OXSR1: variants seen among roughly 807,000 people sequenced by gnomAD.
OXSR1 encodes serine/threonine-protein kinase OSR1.
In OXSR1, 24 loss-of-function variants were observed where a neutral mutation model predicts 79.8. That is an observed-to-expected ratio of 0.30 (90% CI 0.22 to 0.42). The LOEUF (loss-of-function observed/expected upper bound fraction) is 0.42, where lower values mean the gene tolerates loss of function less well. Ranked by LOEUF, OXSR1 falls within the 10% of genes least tolerant of loss-of-function variation. OXSR1 has a pLI of 1.00. For missense variants in OXSR1, 430 were observed against 618.4 expected, an observed-to-expected ratio of 0.70 and a Z score of 3.23; for synonymous variants, 226 against 209.2, an observed-to-expected ratio of 1.08 and a Z score of -0.69.
intron 12 of OXSR1, among the ~76,000 whole-genome samples, chr3:38,244,637 C>CTGCGTGTGTG (rs1553639086): frequency 5.7e-4 from 57 of 99,400 alleles, no homozygotes; most frequent in African/African-American, 1.8e-3. Context: ...TAATATTCCT[C>CTGCGTGTGTG]TGTGTGTGTG....
intron 3 of OXSR1, among the ~76,000 whole-genome samples, chr3:38,192,518 T>C (rs2125815437): frequency 6.6e-6 from 1 of 152,330 alleles, no homozygotes; most frequent in Admixed American, 6.5e-5. Flanking sequence ...AAGTTTAATA[T>C]CATGGACTTT....
intron 3 of OXSR1, among the ~76,000 whole-genome samples, chr3:38,197,747 G>A (rs1260959903): frequency 6.6e-6 from 1 of 152,112 alleles, no homozygotes; most frequent in Non-Finnish European, 1.5e-5. Flanking sequence ...TATGTATTTG[G>A]AAGTATATTT....
At chr3:38,245,735 A>T (rs564986610) in intron 12 of OXSR1, among the ~76,000 whole-genome samples, 1 of 152,344 alleles carries the variant, frequency 6.6e-6, no homozygotes, top group East Asian at 1.9e-4. Context: ...GGAACTAACT[A>T]TAGGCATGAG....
upstream of OXSR1, among the ~76,000 whole-genome samples, chr3:38,164,564 G>A (rs915615909): frequency 6.6e-6 from 1 of 152,132 alleles, no homozygotes; most frequent in Non-Finnish European, 1.5e-5. Flanking sequence ...TTTACCAAGC[G>A]TGTTCAGTCT....
chr3:38,230,163 A>G (rs575451172), intron 9 of OXSR1, among the ~76,000 whole-genome samples: 1 of 152,300 alleles, frequency 6.6e-6, no homozygotes, highest in Admixed American at 6.5e-5. Flanking sequence ...ACAGTGTACT[A>G]CATCTTAATT....
At chr3:38,173,712 T>C (rs1337814963) in intron 1 of OXSR1, among the ~76,000 whole-genome samples, 3 of 152,208 alleles carry the variant, frequency 2.0e-5, no homozygotes, top group Non-Finnish European at 4.4e-5. Context: ...CTTGAAAATA[T>C]ACCCCACTAT....
At chr3:38,240,890 T>A (rs1703018427) in intron 11 of OXSR1, among the ~76,000 whole-genome samples, 1 of 152,186 alleles carries the variant, frequency 6.6e-6, no homozygotes. Context: ...AAGGAATGGT[T>A]CTTCATTGCG....
chr3:38,253,886 C>T lies in OXSR1; in HGVS notation c.*995C>T, dbSNP rs373502892. 5 of 275,812 alleles carry T rather than the reference C, an allele frequency of 1.8e-5. No individual in the cohort carries two copies. Among genetic ancestry groups the T allele is most frequent in the African/African-American group, 8.7e-5 (4 of 45,988 alleles). 17.1% of individuals were successfully genotyped at this position (275,812 alleles called of 1,614,324 possible). A position where few individuals can be genotyped will look rare whatever the true frequency, so the allele number is the denominator to read the frequency against. On this transcript the variant is annotated 3_prime_UTR_variant, in exon 18 of 18. Transcript: ENST00000311806. The stretch of plus-strand genomic sequence containing the variant: ...CCTTCTGCCTGCTCTCCTGCACTGA[C>T]CCTTTGGAGGGGGTCTCTGTGTGCT...
Position 38,246,124 on chromosome 3 carries a change from A to C in OXSR1, c.1160A>C (p.Gln387Pro). Residue 387 changes from glutamine to proline, a missense_variant, in exon 13 of 18, where the codon CAG becomes CCG. Around this residue, in one of 3 missense-constraint regions of OXSR1, gnomAD observed 276 missense variants for 354.2 expected, o/e 0.78. Coordinates refer to ENST00000311806, the MANE Select transcript of OXSR1 (RefSeq NM_005109.3). ...GGTACTTTGCTCCAAGTTCCAGAACAGATCTCTGCTCATCTACCTCAGCCA... is the reference window on the plus strand; with the variant it reads ...GGTACTTTGCTCCAAGTTCCAGAACCGATCTCTGCTCATCTACCTCAGCCA... ...PVGTLLQVPE[Q>P]ISAHLPQPAG... 6.2e-7 allele frequency: 1 copy of C among 1,613,898 alleles called. No individual in the cohort carries two copies. Among genetic ancestry groups the C allele is most frequent in the Non-Finnish European group, 8.5e-7 (1 of 1,179,824 alleles).
In OXSR1 at chr3:38,190,837, G is replaced by A. The variant is rs780962712; in HGVS notation, c.290G>A (p.Gly97Glu). The change falls in exon 3 of 18, where the codon GGA becomes GAA. Residue 97 changes from glycine (G) to glutamate (E), a missense_variant and splice_region_variant. Coordinates refer to ENST00000311806, the MANE Select transcript of OXSR1 (RefSeq NM_005109.3). The stretch of plus-strand genomic sequence containing the variant: ...TGGCTTGTCATGAAGCTGCTAAGTG[G>A]AGGTGAGTAGAGTACAAGGAAATGC... ...ELWLVMKLLS[G>E]GSVLDIIKHI... is the part of the protein sequence containing the mutation. 77 of 1,499,740 alleles carry A rather than the reference G, an allele frequency of 5.1e-5. No individual in the cohort carries two copies. The highest frequency in any genetic ancestry group is 3.4e-4 in the Middle Eastern group (2 of 5,894). 92.9% of individuals were successfully genotyped at this position (1,499,740 alleles called of 1,614,324 possible).
At chr3:38,223,525 C>T (rs936237017) in intron 6 of OXSR1, among the ~76,000 whole-genome samples, 1 of 151,890 alleles carries the variant, frequency 6.6e-6, no homozygotes, top group Admixed American at 6.6e-5. Flanking sequence ...TCACCGCAAC[C>T]TCTACCTCCT....
chr3:38,189,557 C>G (rs1044733444), intron 2 of OXSR1, among the ~76,000 whole-genome samples: 3 of 152,148 alleles, frequency 2.0e-5, no homozygotes, highest in African/African-American at 7.2e-5. Flanking sequence ...ATTGAGTACT[C>G]CTTATCAGTC....
At chr3:38,246,523 G>A (rs1703145515) in intron 13 of OXSR1, among the ~76,000 whole-genome samples, 1 of 152,176 alleles carries the variant, frequency 6.6e-6, no homozygotes. Flanking sequence ...TGCAGCTCAT[G>A]AAGTTCAACA....
At chr3:38,180,698 T>A (rs1701768420) in intron 1 of OXSR1, among the ~76,000 whole-genome samples, 1 of 149,518 alleles carries the variant, frequency 6.7e-6, no homozygotes, top group South Asian at 2.1e-4. Flanking sequence ...GCCCAGCTAA[T>A]TATTTTTGTA....
At chr3:38,204,480 G>T (rs1439370776) in intron 4 of OXSR1, among the ~76,000 whole-genome samples, 1 of 151,994 alleles carries the variant, frequency 6.6e-6, no homozygotes, top group Non-Finnish European at 1.5e-5. Flanking sequence ...TCTCACCTAA[G>T]GTCCACAGCA....
chr3:38,223,657 T>C (rs1164391609), intron 6 of OXSR1, among the ~76,000 whole-genome samples, 155 bp from the exon 7 acceptor site: 1 of 151,554 alleles, frequency 6.6e-6, no homozygotes, highest in East Asian at 1.9e-4. Flanking sequence ...TCCATGTTGG[T>C]CAGGCCGGTC....
chr3:38,240,490 A>C (rs533304024), intron 11 of OXSR1, among the ~76,000 whole-genome samples: 1 of 152,132 alleles, frequency 6.6e-6, no homozygotes, highest in Non-Finnish European at 1.5e-5. Flanking sequence ...CTGTACTTGC[A>C]TATATTTCTC....
rs1317495004 is a variant in OXSR1 at position 38,210,158 on chromosome 3, TA to T, written c.435-5936del. Among the ~76,000 whole-genome samples the T allele has an allele frequency of 3.3e-5, 5 of 152,072 alleles. No individual in the cohort carries two copies. In the East Asian group the frequency reaches 9.7e-4, roughly 29 times the overall value. On this transcript the variant is annotated intron_variant, in intron 4 of 17. Transcript: ENST00000311806. ...ATTCATACCTTTGTTCCTCTATAGG[TA>T]AGGTGTTCTTTTTCCTCTGACATCT...
At chr3:38,241,107 G>GT (rs931767876) in intron 11 of OXSR1, among the ~76,000 whole-genome samples, 2 of 152,046 alleles carry the variant, frequency 1.3e-5, no homozygotes, top group Admixed American at 6.6e-5. Context: ...AAAAAATAAG[G>GT]TTTTTTTATA....
Sources: allele counts gnomAD v4.1 joint callset (sites outside exome capture counted in the v4.1 genomes callset), GRCh38; gene constraint gnomAD v4.1.1; regional missense constraint gnomAD v4.1.1; transcripts MANE v1.5; gene names NCBI Gene and HGNC (gene_info 2026-07-23, HGNC 2026-07-21).